The following VAPA variants were observed in gnomAD, a reference collection of about 807,000 sequenced individuals.
VAPA encodes the protein VAMP associated protein A.
A neutral mutation model predicts 25.6 loss-of-function variants in VAPA; 6 were observed. That is an observed-to-expected ratio of 0.23 (90% confidence interval 0.13 to 0.46). The LOEUF is 0.46. Ranked by LOEUF, VAPA falls within the 20% of genes least tolerant of loss-of-function variation. The pLI is 0.99. For synonymous variants in VAPA, 112 were observed against 106.2 expected (o/e 1.05, Z -0.34); for missense variants, 244 against 302.1 (o/e 0.81, Z 1.43).
At chr18:9,930,920 A>G (rs774408609) in intron 1 of VAPA, among the ~76,000 whole-genome samples, 3 of 152,144 alleles carry the variant, frequency 2.0e-5, no homozygotes, top group Non-Finnish European at 4.4e-5. Flanking sequence ...GTGTCTTTTA[A>G]TGACTTTGTA....
chr18:9,927,043 T>C (rs1168160422), intron 1 of VAPA, among the ~76,000 whole-genome samples: 1 of 152,138 alleles, frequency 6.6e-6, no homozygotes, highest in Admixed American at 6.6e-5. Context: ...TCTGAAATGC[T>C]CTGTGTGATA....
chr18:9,923,928 C>A, intron 1 of VAPA: 1 of 174,840 alleles, frequency 5.7e-6, no homozygotes, highest in Non-Finnish European at 1.1e-5. Flanking sequence ...TGTCTATGGC[C>A]ATACCACCCT....
At position 9,955,152 on chromosome 18, in the gene VAPA, A is replaced by G. The variant is rs1000097626; in HGVS notation, c.*941A>G. On this transcript the variant is annotated 3_prime_UTR_variant, in exon 6 of 6. Transcript: ENST00000400000. ...TCTTAAGTTCTGAGAGTATGTTCTC[A>G]AGGAAGATTTAACTCTCTTTGGTTT... The G allele has an allele frequency of 1.3e-4, 20 of 150,026 alleles. No homozygotes were observed. Among genetic ancestry groups the G allele is most frequent in the Admixed American group, 7.9e-4 (12 of 15,172 alleles). 9.3% of individuals were successfully genotyped at this position (150,026 alleles called of 1,614,324 possible). A position where few individuals can be genotyped will look rare whatever the true frequency, so the allele number is the denominator to read the frequency against.
intron 4 of VAPA, among the ~76,000 whole-genome samples, chr18:9,938,426 T>C (rs1270580686): frequency 1.3e-5 from 2 of 152,178 alleles, no homozygotes; most frequent in African/African-American, 4.8e-5. Context: ...GCAATGACAG[T>C]TGAACCTCGC....
chr18:9,918,480 C>G (rs546660943), intron 1 of VAPA, among the ~76,000 whole-genome samples: 64 of 152,270 alleles, frequency 4.2e-4, no homozygotes, highest in Non-Finnish European at 7.1e-4. Context: ...TTTTATCTTA[C>G]TTGACCTCCC....
chr18:9,947,211 A>G (rs1266977081), intron 4 of VAPA, among the ~76,000 whole-genome samples: 2 of 5,374 alleles, frequency 3.7e-4, no homozygotes, highest in Non-Finnish European at 7.8e-4. Flanking sequence ...AAAATAAATG[A>G]TAAAAAGCAT....
chr18:9,937,815 A>G (rs1039454671), intron 4 of VAPA, among the ~76,000 whole-genome samples: 3 of 152,156 alleles, frequency 2.0e-5, no homozygotes, highest in African/African-American at 4.8e-5. Context: ...TTTGGTTACA[A>G]TCTGACATGA....
intron 2 of VAPA, among the ~76,000 whole-genome samples, chr18:9,935,481 G>T (rs2069299985): frequency 6.6e-6 from 1 of 152,174 alleles, no homozygotes; most frequent in Admixed American, 6.5e-5. Context: ...GCCTGAAGTG[G>T]GAGGATTGCC....
At chr18:9,940,932 TAA>T (rs1567898637) in intron 4 of VAPA, among the ~76,000 whole-genome samples, 1 of 152,196 alleles carries the variant, frequency 6.6e-6, no homozygotes, top group Non-Finnish European at 1.5e-5. Flanking sequence ...ATGTGTATGT[TAA>T]AGAGAGGCTA....
chr18:9,920,477 A>AT (rs2069147292), intron 1 of VAPA, among the ~76,000 whole-genome samples: 1 of 151,966 alleles, frequency 6.6e-6, no homozygotes, highest in Non-Finnish European at 1.5e-5. Flanking sequence ...TAATTTTTGT[A>AT]TTTTTAGTAG....
chr18:9,928,185 C>A (rs1387609544), intron 1 of VAPA, among the ~76,000 whole-genome samples: 1 of 152,096 alleles, frequency 6.6e-6, no homozygotes, highest in African/African-American at 2.4e-5. Flanking sequence ...TAGAAATCCT[C>A]TAAACCTATT....
chr18:9,943,201 TAAAAAATCATTTATTTGTGACA>T (rs1331192129), intron 4 of VAPA, among the ~76,000 whole-genome samples: 1 of 152,200 alleles, frequency 6.6e-6, no homozygotes, highest in Non-Finnish European at 1.5e-5. Flanking sequence ...TTTTATAGTT[TAAAAAATCATTTATTTGTGACA>T]AAACAATTCT....
At chr18:9,946,526 T>C (rs1788198480) in intron 4 of VAPA, among the ~76,000 whole-genome samples, 1 of 151,990 alleles carries the variant, frequency 6.6e-6, no homozygotes, top group African/African-American at 2.4e-5. Flanking sequence ...GTGTATTTTA[T>C]GTGTGGCCCA....
At chr18:9,940,847 TTTCAAATTTATGTAA>T (rs1267659929) in intron 4 of VAPA, among the ~76,000 whole-genome samples, 3 of 152,250 alleles carry the variant, frequency 2.0e-5, no homozygotes, top group Non-Finnish European at 4.4e-5. Context: ...TATATCACCA[TTTCAAATTTATGTAA>T]TTCAAACTTG....
At chr18:9,951,005 A>G (rs1406282657) in intron 5 of VAPA, 2 of 153,256 alleles carry the variant, frequency 1.3e-5, no homozygotes, top group Admixed American at 6.5e-5. Context: ...AAAAAGGTAA[A>G]ATCTTTTTTT....
At chr18:9,946,269 A>G (rs930124605) in intron 4 of VAPA, among the ~76,000 whole-genome samples, 5 of 152,182 alleles carry the variant, frequency 3.3e-5, no homozygotes, top group Non-Finnish European at 5.9e-5. Flanking sequence ...AAAAACCTAT[A>G]TATGGTATTG....
At chr18:9,950,131 A>T (rs1482929765) in intron 4 of VAPA, 16 of 339,700 alleles carry the variant, frequency 4.7e-5, no homozygotes, top group Non-Finnish European at 7.6e-5. Context: ...TTGCTCTCTC[A>T]GCCTTTGAAG....
At chr18:9,934,962 G>T (rs151101651) in intron 2 of VAPA, among the ~76,000 whole-genome samples, 4 of 152,002 alleles carry the variant, frequency 2.6e-5, no homozygotes, top group Non-Finnish European at 5.9e-5. Context: ...GGGCATGGTG[G>T]CAGGCGCCTG....
chr18:9,942,419 A>T (rs116840387), intron 4 of VAPA, among the ~76,000 whole-genome samples: 2,002 of 152,146 alleles, frequency 0.013, 54 homozygotes, highest in African/African-American at 0.044. Context: ...ACAAGTCTTG[A>T]ACTTTATGAT....
Sources: allele counts gnomAD v4.1 joint callset (sites outside exome capture counted in the v4.1 genomes callset), GRCh38; gene constraint gnomAD v4.1.1; transcripts MANE v1.5; gene names NCBI Gene and HGNC (gene_info 2026-07-23, HGNC 2026-07-21).